The following SLC38A11 variants were observed in gnomAD, a reference collection of about 807,000 sequenced individuals.
The protein encoded by SLC38A11 is solute carrier family 38 member 11, also known as putative sodium-coupled neutral amino acid transporter 11.
SLC38A11 carries 51 observed loss-of-function variants against 49.4 expected under a neutral mutation model. That is an observed-to-expected ratio of 1.03 (90% CI 0.83 to 1.30). The LOEUF (loss-of-function observed/expected upper bound fraction) is 1.30, where lower values mean the gene tolerates loss of function less well. Ranked by LOEUF, SLC38A11 falls within the 50% of genes most tolerant of loss-of-function variation. The probability of loss-of-function intolerance (pLI) is 0.00; values close to 1 mark genes in which losing one functional copy is unlikely to be tolerated. For synonymous variants in SLC38A11, 203 were observed against 192.9 expected (o/e 1.05, Z -0.43); for missense variants, 574 against 556.2 (o/e 1.03, Z -0.32).
chr2:164,901,452 T>C (rs1011001736), intron 11 of SLC38A11, among the ~76,000 whole-genome samples: 1 of 152,152 alleles, frequency 6.6e-6, no homozygotes, highest in Non-Finnish European at 1.5e-5. Flanking sequence ...CAAGATTTTA[T>C]AGTTTTCAGT....
chr2:164,950,705 G>A (rs979833481), intron 3 of SLC38A11, among the ~76,000 whole-genome samples: 1 of 152,050 alleles, frequency 6.6e-6, no homozygotes, highest in Non-Finnish European at 1.5e-5. Flanking sequence ...ATTATTTGCT[G>A]TAAATTTTTA....
At position 164,952,788 on chromosome 2, in the gene SLC38A11, AAACAT is replaced by A. The variant is rs1247296384; in HGVS notation, c.155-12_155-8del. 2.5e-6 allele frequency: 4 copies of A among 1,592,044 alleles called. No individual in the cohort carries two copies. In the East Asian group the frequency reaches 6.7e-5, roughly 27 times the overall value. ...TTCATTGAATAAGGCAATCCTGAAA[AAACAT>A]AAAATGCCCCACCCTTCACATTAAC... On this transcript the variant is annotated splice_region_variant and splice_polypyrimidine_tract_variant and intron_variant, in intron 2 of 11. Coordinates refer to ENST00000685975, the MANE Select transcript of SLC38A11 (RefSeq NM_001351537.2).
chr2:164,899,986 C>T (rs1684553583), intron 11 of SLC38A11, among the ~76,000 whole-genome samples: 1 of 152,012 alleles, frequency 6.6e-6, no homozygotes, highest in Non-Finnish European at 1.5e-5. Context: ...GTTTTATTCT[C>T]TTATCTCTAA....
At chr2:164,951,465 G>A (rs1443216209) in intron 3 of SLC38A11, among the ~76,000 whole-genome samples, 1 of 152,136 alleles carries the variant, frequency 6.6e-6, no homozygotes, top group African/African-American at 2.4e-5. Context: ...TAATTTATGG[G>A]TCTTAAGTTA....
intron 10 of SLC38A11, among the ~76,000 whole-genome samples, chr2:164,909,280 A>G (rs1574749620): frequency 6.6e-6 from 1 of 152,098 alleles, no homozygotes; most frequent in South Asian, 2.1e-4. Context: ...GCCTTTCCTC[A>G]ACAAAAATGG....
intron 3 of SLC38A11, among the ~76,000 whole-genome samples, chr2:164,952,194 C>T (rs1325883093): frequency 3.3e-5 from 5 of 152,164 alleles, no homozygotes; most frequent in African/African-American, 1.2e-4. Flanking sequence ...AGATGTGATA[C>T]AGAAGCAACT....
In SLC38A11 at chr2:164,955,345, C is replaced by T. The variant is rs139992776; in HGVS notation, c.-98G>A. 3.1e-3 allele frequency: 3,616 copies of T among 1,182,686 alleles called. 14 individuals are homozygous for T. Among genetic ancestry groups the T allele is most frequent in the Non-Finnish European group, 4.0e-3 (3,267 of 816,870 alleles). The allele number at this position is 1,182,686 out of a possible 1,614,324, so 73.3% of individuals were successfully genotyped here. A position where few individuals can be genotyped will look rare whatever the true frequency, so the allele number is the denominator to read the frequency against. Reference sequence around the variant, plus strand: ...CGCCACCTCGCACACAGCCGAGGTCCGCGTGTAGCCGCAGAGCTGCAGGGA... The same window carrying T: ...CGCCACCTCGCACACAGCCGAGGTCTGCGTGTAGCCGCAGAGCTGCAGGGA... On this transcript the variant is annotated 5_prime_UTR_variant, in exon 1 of 12. Transcript: ENST00000685975.
chr2:164,951,273 C>T (rs1384601017), intron 3 of SLC38A11, among the ~76,000 whole-genome samples: 2 of 152,058 alleles, frequency 1.3e-5, no homozygotes, highest in South Asian at 2.1e-4. Flanking sequence ...TTAAATAAAC[C>T]ATAGTGATTA....
At chr2:164,945,763 TGTAATA>T in intron 3 of SLC38A11, 36 bp from the exon 4 acceptor site, 1 of 1,578,984 alleles carries the variant, frequency 6.3e-7, no homozygotes. Context: ...TCAGATTACA[TGTAATA>T]CAAATATTTT....
intron 10 of SLC38A11, among the ~76,000 whole-genome samples, chr2:164,910,689 G>A (rs961142940): frequency 6.6e-6 from 1 of 152,098 alleles, no homozygotes; most frequent in African/African-American, 2.4e-5. Flanking sequence ...TTAAAGCTCT[G>A]TAGATATTTC....
intron 6 of SLC38A11, 100 bp downstream of exon 6, chr2:164,939,350 A>G (rs1158928530): frequency 7.3e-6 from 5 of 688,964 alleles, no homozygotes; most frequent in Non-Finnish European, 1.2e-5. Flanking sequence ...ACCAGAAGAA[A>G]CTAAAGATGA....
intron 7 of SLC38A11, among the ~76,000 whole-genome samples, chr2:164,916,348 T>C (rs1346288721): frequency 6.6e-6 from 1 of 152,172 alleles, no homozygotes; most frequent in Non-Finnish European, 1.5e-5. Context: ...CAGTTACTGC[T>C]GTTCATTCCG....
chr2:164,905,063 C>T (rs576620835), intron 11 of SLC38A11, among the ~76,000 whole-genome samples: 76 of 151,924 alleles, frequency 5.0e-4, no homozygotes, highest in Non-Finnish European at 9.6e-4. Context: ...CTGCAAAGCA[C>T]CTGGTACAGA....
intron 1 of SLC38A11, among the ~76,000 whole-genome samples, 165 bp downstream of exon 1, chr2:164,955,044 G>GAAA (rs4001062): frequency 6.6e-4 from 96 of 144,804 alleles, no homozygotes; most frequent in African/African-American, 2.4e-3. Context: ...TGCCTGCTAA[G>GAAA]AAAAAAAAAA....
At chr2:164,925,344 GC>G (rs1198039635) in intron 7 of SLC38A11, among the ~76,000 whole-genome samples, 3 of 152,116 alleles carry the variant, frequency 2.0e-5, no homozygotes, top group South Asian at 2.1e-4. Context: ...TCTTTGTTGT[GC>G]TTTTTCACAA....
chr2:164,900,785 T>G (rs990011859), intron 11 of SLC38A11, among the ~76,000 whole-genome samples: 3 of 152,060 alleles, frequency 2.0e-5, no homozygotes, highest in Non-Finnish European at 4.4e-5. Flanking sequence ...CCCTCCCCAC[T>G]GCAGAGGCCT....
At chr2:164,915,420 T>TCTAATAG (rs1322098512) in intron 8 of SLC38A11, 147 bp from the exon 9 acceptor site, 1 of 678,290 alleles carries the variant, frequency 1.5e-6, no homozygotes, top group Non-Finnish European at 2.4e-6. Flanking sequence ...AAATAATTTT[T>TCTAATAG]CTAATAGTTC....
chr2:164,945,235 C>T (rs192533991), intron 4 of SLC38A11, among the ~76,000 whole-genome samples: 4 of 149,598 alleles, frequency 2.7e-5, no homozygotes, highest in East Asian at 2.0e-4. Flanking sequence ...GCCTAGTACA[C>T]GGCTTCCACA....
In SLC38A11 at chr2:164,899,232, G is replaced by A. The variant is rs1248395868; in HGVS notation, c.1096-502C>T. ...GTATGGAAGATGTGCCTATCTGTGT[G>A]AGAAAGAAAAACTATAACCCTAAGG... is the stretch of plus-strand genomic sequence containing the variant. On this transcript the variant is annotated intron_variant, in intron 11 of 11. Coordinates refer to ENST00000685975, the MANE Select transcript of SLC38A11 (RefSeq NM_001351537.2). Among the ~76,000 whole-genome samples the A allele has an allele frequency of 2.0e-5, 3 of 152,070 alleles. No individual in the cohort carries two copies. The East Asian group carries it at 5.8e-4, about 29-fold the overall frequency.
Sources: gnomAD v4.1 joint callset for allele counts (sites outside exome capture counted in the v4.1 genomes callset) on GRCh38, gnomAD v4.1.1 for gene constraint, MANE v1.5 for transcripts, NCBI Gene and HGNC (gene_info 2026-07-23, HGNC 2026-07-21) for gene names.